EIF2B3: variants seen among roughly 807,000 people sequenced by gnomAD.
EIF2B3 encodes the protein translation initiation factor eIF2B subunit gamma.
A neutral mutation model predicts 54.1 loss-of-function variants in EIF2B3; 20 were observed. The observed-to-expected ratio is 0.37, with a 90% confidence interval of 0.26 to 0.54. The LOEUF is 0.54. Among genes scored for constraint, EIF2B3 ranks in the 20% least tolerant of loss-of-function variants. The pLI is 0.86. For missense variants in EIF2B3, 448 were observed against 547.8 expected (o/e 0.82, Z 1.82); for synonymous variants, 153 against 188.1 (o/e 0.81, Z 1.52).
chr1:44,879,700 A>C (rs2148904691), intron 8 of EIF2B3, 118 bp downstream of exon 8: 1 of 1,231,292 alleles, frequency 8.1e-7, no homozygotes, highest in Non-Finnish European at 1.2e-6. Flanking sequence ...GGTCTTGCTC[A>C]ACCTTGGGAA....
In EIF2B3 at chr1:44,875,769, C is replaced by T. The variant is rs1655106965; in HGVS notation, c.976-74G>A. ...GCTCTCCCTCTCCCTCTCCCTCTAC[C>T]TCTCCCACTCCCCCTCCCCACGGTC... On this transcript the variant is annotated intron_variant, in intron 8 of 11. Coordinates refer to ENST00000360403, the MANE Select transcript of EIF2B3 (RefSeq NM_020365.5). 10 of 1,148,220 alleles carry T rather than the reference C, an allele frequency of 8.7e-6. No individual in the cohort carries two copies. The South Asian group carries it at 1.0e-4, about 11-fold the overall frequency. The allele number at this position is 1,148,220 out of a possible 1,614,324, so 71.1% of individuals were successfully genotyped here.
intron 5 of EIF2B3, among the ~76,000 whole-genome samples, chr1:44,913,252 A>G (rs1643551955): frequency 6.6e-6 from 1 of 152,146 alleles, no homozygotes; most frequent in Non-Finnish European, 1.5e-5. Flanking sequence ...TGAAATACAA[A>G]AAAACTCCCT....
chr1:44,930,573 C>G (rs548432679), intron 4 of EIF2B3, among the ~76,000 whole-genome samples: 1 of 152,306 alleles, frequency 6.6e-6, no homozygotes, highest in South Asian at 2.1e-4. Flanking sequence ...CTGGGCTAAC[C>G]CCCTGGATGG....
At chr1:44,933,775 C>T (rs1346850175) in intron 4 of EIF2B3, among the ~76,000 whole-genome samples, 1 of 152,078 alleles carries the variant, frequency 6.6e-6, no homozygotes, top group East Asian at 1.9e-4. Context: ...GCCATAAATG[C>T]TATTAGGTCA....
At chr1:44,910,294 A>C (rs1199760293) in intron 5 of EIF2B3, among the ~76,000 whole-genome samples, 1 of 152,156 alleles carries the variant, frequency 6.6e-6, no homozygotes, top group African/African-American at 2.4e-5. Flanking sequence ...AAATAAAGTT[A>C]TTTGCTCAAG....
chr1:44,911,408 C>T (rs1337680607), intron 5 of EIF2B3, among the ~76,000 whole-genome samples: 1 of 152,160 alleles, frequency 6.6e-6, no homozygotes, highest in African/African-American at 2.4e-5. Context: ...CTCAATGACC[C>T]CAGTGCTTAG....
At chr1:44,938,762 C>T (rs1020548290) in intron 4 of EIF2B3, among the ~76,000 whole-genome samples, 6 of 152,006 alleles carry the variant, frequency 3.9e-5, no homozygotes, top group African/African-American at 1.4e-4. Flanking sequence ...GCTAGGATTA[C>T]GGTCCTGAGC....
At position 44,981,139 on chromosome 1, in the gene EIF2B3, T is replaced by C. The variant is rs1383582204; in HGVS notation, c.30A>G (p.Val10=). The C allele has an allele frequency of 6.2e-7, 1 of 1,613,148 alleles. No individual in the cohort carries two copies. Among genetic ancestry groups the C allele is most frequent in the Non-Finnish European group, 8.5e-7 (1 of 1,179,930 alleles). MEFQAVVMA[V]GGGSRMTDLT... ...GGTCTGTCATCCGAGATCCTCCACC[T>C]ACTGCCATCACTACTGCTTGAAATT... The change falls in exon 2 of 12, where the codon GTA becomes GTG. Residue 10 remains valine (V), a synonymous_variant. Transcript: ENST00000360403.
chr1:44,875,597 C>T (rs761636492), intron 9 of EIF2B3, 21 bp downstream of exon 9: 1 of 1,612,712 alleles, frequency 6.2e-7, no homozygotes, highest in Admixed American at 1.7e-5. Context: ...TCATGCCCGT[C>T]CTGGCCACAC....
intron 3 of EIF2B3, chr1:44,959,274 TG>T: frequency 1.5e-6 from 1 of 683,376 alleles, no homozygotes; most frequent in South Asian, 1.5e-5. Flanking sequence ...CCTTTTTTTT[TG>T]TGGGTTCTTC....
At chr1:44,921,871 G>A (rs1643743883) in intron 5 of EIF2B3, among the ~76,000 whole-genome samples, 1 of 150,092 alleles carries the variant, frequency 6.7e-6, no homozygotes, top group African/African-American at 2.4e-5. Flanking sequence ...GCTATTCTGG[G>A]TCTTCTGTAA....
At chr1:44,871,088 C>G (rs1341768891) in intron 10 of EIF2B3, among the ~76,000 whole-genome samples, 2 of 152,208 alleles carry the variant, frequency 1.3e-5, no homozygotes, top group Admixed American at 6.5e-5. Context: ...TATACTCTTC[C>G]CATCTCCCAG....
chr1:44,891,587 G>T (rs1180495927), intron 6 of EIF2B3, among the ~76,000 whole-genome samples: 1 of 152,184 alleles, frequency 6.6e-6, no homozygotes, highest in Admixed American at 6.5e-5. Flanking sequence ...ATGTGGTGGG[G>T]TAGGGGGATA....
At chr1:44,876,998 C>T (rs1655183973) in intron 8 of EIF2B3, among the ~76,000 whole-genome samples, 1 of 149,344 alleles carries the variant, frequency 6.7e-6, no homozygotes, top group Non-Finnish European at 1.5e-5. Flanking sequence ...TTGAAGGCAG[C>T]ATGCTCGTTA....
At chr1:44,900,445 CAAA>C (rs34226720) in intron 5 of EIF2B3, among the ~76,000 whole-genome samples, 2 of 43,570 alleles carry the variant, frequency 4.6e-5, no homozygotes, top group Non-Finnish European at 4.4e-5. Flanking sequence ...AGAATCATCT[CAAA>C]AAAAAAAAAA....
chr1:44,971,530 C>A (rs114786878), intron 3 of EIF2B3, among the ~76,000 whole-genome samples: 1 of 152,086 alleles, frequency 6.6e-6, no homozygotes, highest in East Asian at 1.9e-4. Context: ...AACTTATTTG[C>A]CTGGGACTTT....
chr1:44,902,549 C>T (rs1217935740), intron 5 of EIF2B3, among the ~76,000 whole-genome samples: 2 of 151,968 alleles, frequency 1.3e-5, no homozygotes, highest in Admixed American at 6.6e-5. Flanking sequence ...CAGTCAGGCA[C>T]AGTGGCTCAT....
rs1472362678 is a variant in EIF2B3, at chr1:44,897,456, TA to T, written c.567-13del. On this transcript the variant is annotated splice_polypyrimidine_tract_variant and intron_variant, in intron 5 of 11. Coordinates refer to ENST00000360403, the MANE Select transcript of EIF2B3 (RefSeq NM_020365.5). The stretch of plus-strand genomic sequence containing the variant: ...GTATTCTAGGATGCCTGCAAAAAAA[TA>T]AAAAATAAAAGAAAGAAAGAAGAGG... 22 of 1,588,048 alleles carry T rather than the reference TA, an allele frequency of 1.4e-5. No individual in the cohort carries two copies. Among genetic ancestry groups the T allele is most frequent in the Admixed American group, 1.2e-4 (7 of 58,068 alleles).
intron 3 of EIF2B3, among the ~76,000 whole-genome samples, chr1:44,955,461 A>T (rs1334609433): frequency 6.6e-6 from 1 of 152,148 alleles, no homozygotes; most frequent in East Asian, 1.9e-4. Flanking sequence ...ATGGGCAAAG[A>T]CTCCACGACT....
Sources: gnomAD v4.1 joint callset for allele counts (sites outside exome capture counted in the v4.1 genomes callset) on GRCh38, gnomAD v4.1.1 for gene constraint, MANE v1.5 for transcripts, NCBI Gene and HGNC (gene_info 2026-07-23, HGNC 2026-07-21) for gene names.